EXOSC4: variants seen among roughly 807,000 people sequenced by gnomAD.
The protein encoded by EXOSC4 is exosome complex component RRP41.
In EXOSC4, 14 loss-of-function variants were observed where a neutral mutation model predicts 20.0. That is an observed-to-expected ratio of 0.70 (90% CI 0.46 to 1.09). The LOEUF (loss-of-function observed/expected upper bound fraction) is 1.09. EXOSC4 is among the 50% of genes least tolerant of loss of function. EXOSC4 has a pLI of 0.00. For missense variants in EXOSC4, 337 were observed against 334.0 expected (o/e 1.01, Z -0.07); for synonymous variants, 148 against 146.4 (o/e 1.01, Z -0.08).
chr8:144,068,946 G>A, the EXOSC4 span, among the ~76,000 whole-genome samples: 94 of 152,376 alleles, frequency 6.2e-4, no homozygotes, highest in East Asian at 3.9e-3. Flanking sequence ...CCAGTGAGAC[G>A]CGGTGGCAGG....
chr8:144,071,125 T>G, the EXOSC4 span, among the ~76,000 whole-genome samples: 2 of 150,516 alleles, frequency 1.3e-5, no homozygotes, highest in African/African-American at 4.9e-5. Context: ...TAACCCAAAG[T>G]TGATGTGATA....
upstream of EXOSC4, among the ~76,000 whole-genome samples, chr8:144,075,221 T>C (rs1835825549): frequency 6.9e-6 from 1 of 145,844 alleles, no homozygotes; most frequent in African/African-American, 2.7e-5. Flanking sequence ...CACCACCATG[T>C]CCAGTTAATT....
chr8:144,069,178 AC>A, the EXOSC4 span, among the ~76,000 whole-genome samples: 4 of 152,222 alleles, frequency 2.6e-5, no homozygotes, highest in Non-Finnish European at 4.4e-5. Context: ...TACTGCATCC[AC>A]CCCTGGGAGT....
Position 144,078,873 on chromosome 8 carries a change from C to T in EXOSC4, c.145C>T (p.Leu49=), listed in dbSNP as rs144167512. 5.9e-4 allele frequency: 903 copies of T among 1,530,176 alleles called. 7 individuals carry two copies. The African/African-American group carries it at 0.012, about 20-fold the overall frequency. The allele number at this position is 1,530,176 out of a possible 1,614,324, so 94.8% of individuals were successfully genotyped here. A position where few individuals can be genotyped will look rare whatever the true frequency, so the allele number is the denominator to read the frequency against. Residue 49 remains leucine (L), a synonymous_variant, in exon 1 of 3, where the codon CTG becomes TTG. Transcript: ENST00000316052. This position sits in a 1 kb window ranked among gnomAD's most constrained non-coding sequence, Gnocchi z 4.7. ...CATTGAGCAGGGCAACACCAAGGCA[C>T]TGGCTGTGGTCTACGGCCCGCACGA... ...AYIEQGNTKA[L]AVVYGPHEIR...
At position 144,080,150 on chromosome 8, in the gene EXOSC4, G is replaced by T. The variant is rs782448527; in HGVS notation, c.378+1G>T. On this transcript the variant is annotated splice_donor_variant, in intron 2 of 2. Coordinates refer to ENST00000316052, the MANE Select transcript of EXOSC4 (RefSeq NM_019037.3). LOFTEE classifies it high-confidence loss of function. This position sits in a 1 kb window ranked among gnomAD's most constrained non-coding sequence, Gnocchi z 4.9. ...CTCCCAGATTGATATCTATGTGCAG[G>T]TGAGCCAGCTGCAGCCGTCAATCCA... is the stretch of plus-strand genomic sequence containing the variant. 15 of 1,609,796 alleles carry T rather than the reference G, an allele frequency of 9.3e-6. No individual in the cohort carries two copies. The highest frequency in any genetic ancestry group is 1.7e-5 in the Admixed American group (1 of 59,924).
the EXOSC4 span, among the ~76,000 whole-genome samples, chr8:144,064,693 G>T: frequency 6.6e-6 from 1 of 152,214 alleles, no homozygotes. Context: ...TCAAGGAAGG[G>T]GATGGGCCAG....
chr8:144,067,981 C>T, the EXOSC4 span, among the ~76,000 whole-genome samples: 22 of 152,360 alleles, frequency 1.4e-4, no homozygotes, highest in East Asian at 3.9e-3. Flanking sequence ...TGCATTCCTT[C>T]CTGATAGAGA....
chr8:144,073,176 A>G, the EXOSC4 span, among the ~76,000 whole-genome samples: 2 of 151,998 alleles, frequency 1.3e-5, no homozygotes. Context: ...ACCTGAGGTC[A>G]GGAGACCAGC....
chr8:144,064,372 C>T, the EXOSC4 span, among the ~76,000 whole-genome samples: 37 of 152,344 alleles, frequency 2.4e-4, no homozygotes, highest in Admixed American at 2.0e-3. Context: ...TCGGCAGTCA[C>T]GGTTGGCACA....
upstream of EXOSC4, among the ~76,000 whole-genome samples, chr8:144,077,336 C>CTCCACAA (rs1189470685): frequency 3.3e-5 from 5 of 152,158 alleles, no homozygotes; most frequent in African/African-American, 1.2e-4. Context: ...GGGAAAAGGG[C>CTCCACAA]TCCACAATAA....
the EXOSC4 span, among the ~76,000 whole-genome samples, chr8:144,066,031 T>C: frequency 6.6e-6 from 1 of 151,124 alleles, no homozygotes; most frequent in Non-Finnish European, 1.5e-5. Flanking sequence ...TTTTGTTTTG[T>C]TTTTTGAGAT....
chr8:144,068,332 G>A, the EXOSC4 span, among the ~76,000 whole-genome samples: 2 of 152,144 alleles, frequency 1.3e-5, no homozygotes, highest in African/African-American at 4.8e-5. Context: ...CAGAATGGCC[G>A]CCCTGCAGAC....
Position 144,080,043 on chromosome 8 carries a change from A to G in EXOSC4, c.272A>G (p.His91Arg), listed in dbSNP as rs1835881099. ...ACAGGTGAGCGCAAGCGACGGCCAC[A>G]TGGGGACCGTAAGTCCTGTGAGATG... is the stretch of plus-strand genomic sequence containing the variant. ...FSTGERKRRP[H>R]GDRKSCEMGL... Residue 91 changes from histidine (H) to arginine (R), a missense_variant, in exon 2 of 3, where the codon CAT becomes CGT. Coordinates refer to ENST00000316052, the MANE Select transcript of EXOSC4 (RefSeq NM_019037.3). This position sits in a 1 kb window ranked among gnomAD's most constrained non-coding sequence, Gnocchi z 4.9. 2.5e-6 allele frequency: 4 copies of G among 1,613,994 alleles called. No homozygotes were observed. Among genetic ancestry groups the G allele is most frequent in the Admixed American group, 1.7e-5 (1 of 60,012 alleles).
the EXOSC4 span, among the ~76,000 whole-genome samples, chr8:144,066,090 C>T: frequency 6.6e-6 from 1 of 151,506 alleles, no homozygotes; most frequent in Non-Finnish European, 1.5e-5. Context: ...GATCTCAGCT[C>T]ACTGCAAGCT....
upstream of EXOSC4, chr8:144,077,970 G>A (rs1489140610): frequency 1.3e-4 from 20 of 152,220 alleles, no homozygotes; most frequent in Admixed American, 1.3e-3. Flanking sequence ...CTATCTAGCT[G>A]AGCCTAGATA....
upstream of EXOSC4, chr8:144,078,328 G>C (rs1835856476): frequency 6.0e-6 from 1 of 166,970 alleles, no homozygotes; most frequent in Non-Finnish European, 1.3e-5. This position sits in a 1 kb window ranked among gnomAD's most constrained non-coding sequence, Gnocchi z 4.7. Context: ...GGCACCACTG[G>C]TCACGAGGGC....
upstream of EXOSC4, among the ~76,000 whole-genome samples, chr8:144,076,694 T>C (rs190511275): frequency 2.0e-5 from 3 of 152,274 alleles, no homozygotes; most frequent in Non-Finnish European, 4.4e-5. Context: ...TCGTCCTCAT[T>C]GTCCTGAGTT....
chr8:144,078,519 T>C (rs1372757614), upstream of EXOSC4: 3 of 447,040 alleles, frequency 6.7e-6, no homozygotes, highest in Non-Finnish European at 1.1e-5. The surrounding 1 kb of genome is among the most constrained non-coding windows in gnomAD (Gnocchi z 4.7). Flanking sequence ...CGCGGTGAAC[T>C]CCAGTTCACC....
At chr8:144,076,073 C>G (rs1835833298), upstream of EXOSC4, among the ~76,000 whole-genome samples, 5 of 152,172 alleles carry the variant, frequency 3.3e-5, no homozygotes, top group Admixed American at 3.3e-4. Context: ...ATGGCTCATG[C>G]TGAACACCTG....
Sources: gnomAD v4.1 joint callset for allele counts (sites outside exome capture counted in the v4.1 genomes callset) on GRCh38, gnomAD v4.1.1 for gene constraint, Gnocchi (gnomAD v3.1) non-coding constraint, MANE v1.5 for transcripts, NCBI Gene and HGNC (gene_info 2026-07-23, HGNC 2026-07-21) for gene names.